Variants in WDHD1 observed in about 807,000 individuals in gnomAD.
The protein encoded by WDHD1 is WD repeat and HMG-box DNA-binding protein 1.
WDHD1 carries 111 observed loss-of-function variants against 135.4 expected under a neutral mutation model. That is an observed-to-expected ratio of 0.82 (90% CI 0.70 to 0.96). The LOEUF (loss-of-function observed/expected upper bound fraction) is 0.96. Among genes scored for constraint, WDHD1 ranks in the 40% least tolerant of loss-of-function variants. The pLI, the probability that WDHD1 is intolerant of heterozygous loss-of-function variation, is 0.00. For missense variants in WDHD1, 1,351 were observed against 1,336.3 expected (o/e 1.01, Z -0.17); for synonymous variants, 434 against 439.0 (o/e 0.99, Z 0.14).
At chr14:55,008,783 T>C (rs1333544957) in intron 4 of WDHD1, 64 bp from the exon 5 acceptor site, 1 of 1,162,536 alleles carries the variant, frequency 8.6e-7, no homozygotes, top group East Asian at 2.4e-5. Flanking sequence ...CTAAAAGCTA[T>C]GATCCAAATA....
intron 16 of WDHD1, among the ~76,000 whole-genome samples, chr14:54,977,543 AT>A (rs2041544829): frequency 6.6e-6 from 1 of 152,184 alleles, no homozygotes; most frequent in South Asian, 2.1e-4. Flanking sequence ...ATAAAGAAAT[AT>A]TCTTTATTAG....
At chr14:54,942,242 C>A (rs964923715) in intron 25 of WDHD1, among the ~76,000 whole-genome samples, 9 of 146,116 alleles carry the variant, frequency 6.2e-5, no homozygotes, top group African/African-American at 2.4e-4. Context: ...GAGCAAGACT[C>A]CGTCTCAAAA....
At chr14:55,015,689 T>C (rs995351919) in intron 2 of WDHD1, among the ~76,000 whole-genome samples, 21 of 151,916 alleles carry the variant, frequency 1.4e-4, no homozygotes, top group Non-Finnish European at 2.4e-4. Context: ...CACGTTTTTG[T>C]TCCAATGGAA....
intron 18 of WDHD1, among the ~76,000 whole-genome samples, chr14:54,963,739 G>A (rs1044940903): frequency 1.3e-5 from 2 of 148,196 alleles, no homozygotes; most frequent in Admixed American, 6.9e-5. Flanking sequence ...GGTGGAGGTT[G>A]CAGTGAGCCA....
At chr14:54,983,273 A>G (rs1433358274) in intron 15 of WDHD1, among the ~76,000 whole-genome samples, 1 of 152,206 alleles carries the variant, frequency 6.6e-6, no homozygotes, top group Admixed American at 6.5e-5. Context: ...GCACTTATCC[A>G]AAAGAAATAT....
Position 55,024,129 on chromosome 14 carries a change from G to A in WDHD1, c.77+2582C>T, listed in dbSNP as rs529369834. Among the ~76,000 whole-genome samples the A allele has an allele frequency of 1.1e-4, 16 of 152,082 alleles. No individual in the cohort carries two copies. In the East Asian group the frequency reaches 1.5e-3, roughly 15 times the overall value. Reference sequence around the variant, plus strand: ...AATATGTGTATTGAAAAAAATCCACGTATAAGTAGACATACACAATTCAAA... The same window carrying A: ...AATATGTGTATTGAAAAAAATCCACATATAAGTAGACATACACAATTCAAA... On this transcript the variant is annotated intron_variant, in intron 2 of 25. Coordinates refer to ENST00000360586, the MANE Select transcript of WDHD1 (RefSeq NM_007086.4).
intron 2 of WDHD1, among the ~76,000 whole-genome samples, chr14:55,020,404 C>T (rs2140232577): frequency 6.6e-6 from 1 of 152,304 alleles, no homozygotes; most frequent in South Asian, 2.1e-4. Context: ...GTTCCTCAAA[C>T]ACTTCATTTG....
chr14:54,994,281 C>T (rs1045084552), intron 11 of WDHD1, among the ~76,000 whole-genome samples: 4 of 152,076 alleles, frequency 2.6e-5, no homozygotes, highest in South Asian at 2.1e-4. Context: ...TCAGAAAATT[C>T]GTCTATTTCA....
intron 21 of WDHD1, among the ~76,000 whole-genome samples, chr14:54,961,322 A>T (rs180768662): frequency 3.9e-4 from 59 of 151,730 alleles, no homozygotes; most frequent in Non-Finnish European, 7.5e-4. Context: ...CATCTCTATT[A>T]AAAAAAATAA....
rs748478108 is a variant in WDHD1 at position 55,008,657 on chromosome 14, T to C, written c.404A>G (p.His135Arg). The C allele has an allele frequency of 1.2e-5, 20 of 1,613,138 alleles. No homozygotes were observed. The highest frequency in any genetic ancestry group is 1.7e-5 in the Non-Finnish European group (20 of 1,179,808). The change falls in exon 5 of 26, where the codon CAT (histidine) becomes CGT (arginine). Residue 135 changes from histidine to arginine, a missense_variant. Transcript: ENST00000360586. ...GGAAAGACTTAAAACAGGGGCATCA[T>C]GTCCTCGAAATGTTTTCTGTTGGCT... ...DSSQQKTFRGHDAPVLSLSFD... is the reference protein window; with the variant it reads ...DSSQQKTFRGRDAPVLSLSFD...
intron 16 of WDHD1, among the ~76,000 whole-genome samples, chr14:54,978,408 C>A (rs75790544): frequency 0.088 from 13,409 of 152,024 alleles, 685 homozygotes; most frequent in South Asian, 0.16. Context: ...GATGGTGAGA[C>A]CCCATCTTTA....
At chr14:55,003,096 A>G (rs1036170549) in intron 7 of WDHD1, among the ~76,000 whole-genome samples, 6 of 152,224 alleles carry the variant, frequency 3.9e-5, no homozygotes, top group African/African-American at 1.2e-4. Flanking sequence ...TTAGTAACAT[A>G]TAATAAAAAC....
At chr14:54,966,380 T>C (rs1439859997) in intron 18 of WDHD1, 95 bp downstream of exon 18, 6 of 1,389,498 alleles carry the variant, frequency 4.3e-6, no homozygotes, top group Non-Finnish European at 5.7e-6. Flanking sequence ...GAATCTTAGG[T>C]TGTGGGACTT....
chr14:54,995,682 C>T lies in WDHD1; in HGVS notation c.1074G>A (p.Glu358=). The T allele has an allele frequency of 6.2e-7, 1 of 1,613,712 alleles. No individual in the cohort carries two copies. Among genetic ancestry groups the T allele is most frequent in the Non-Finnish European group, 8.5e-7 (1 of 1,179,864 alleles). ...AAGCCATCATGAGGTCTTCATCATC[C>T]TCATCATCATTTATAATCCCTTTTG... is the stretch of plus-strand genomic sequence containing the variant. The part of the protein sequence containing the change: ...SFSKGIINDD[E]DDEDLMMASG... Residue 358 remains glutamate, a synonymous_variant, in exon 11 of 26, where the codon GAG becomes GAA. Coordinates refer to ENST00000360586, the MANE Select transcript of WDHD1 (RefSeq NM_007086.4).
intron 6 of WDHD1, 31 bp downstream of exon 6, chr14:55,008,285 A>G (rs762392646): frequency 1.2e-6 from 2 of 1,604,516 alleles, no homozygotes. Flanking sequence ...GAAATGGGCA[A>G]AAAACTTTAA....
At chr14:55,003,752 C>G (rs368151618) in intron 7 of WDHD1, among the ~76,000 whole-genome samples, 12 of 151,394 alleles carry the variant, frequency 7.9e-5, no homozygotes, top group Non-Finnish European at 1.6e-4. Context: ...TCAGTAGAGA[C>G]GGGGTCTTAT....
Position 55,000,655 on chromosome 14 carries a change from A to G in WDHD1, c.801-11T>C. The G allele has an allele frequency of 2.6e-6, 4 of 1,527,140 alleles. No individual in the cohort carries two copies. Among genetic ancestry groups the G allele is most frequent in the Non-Finnish European group, 3.5e-6 (4 of 1,138,018 alleles). 94.6% of individuals were successfully genotyped at this position (1,527,140 alleles called of 1,614,324 possible). A position where few individuals can be genotyped will look rare whatever the true frequency, so the allele number is the denominator to read the frequency against. On this transcript the variant is annotated splice_polypyrimidine_tract_variant and intron_variant, in intron 9 of 25. Coordinates refer to ENST00000360586, the MANE Select transcript of WDHD1 (RefSeq NM_007086.4). ...TTCTCATGTTTCACCCTAAAAATTA[A>G]AAAGTAGGTTCTAAAAATACTGTCA...
intron 7 of WDHD1, among the ~76,000 whole-genome samples, 155 bp downstream of exon 7, chr14:55,007,125 G>A (rs778496517): frequency 4.6e-5 from 7 of 151,610 alleles, no homozygotes; most frequent in Non-Finnish European, 1.0e-4. Flanking sequence ...CTACTCGGGA[G>A]GCTGAGGCAG....
intron 21 of WDHD1, among the ~76,000 whole-genome samples, chr14:54,959,756 G>A (rs186766114): frequency 6.6e-6 from 1 of 151,792 alleles, no homozygotes; most frequent in East Asian, 1.9e-4. Flanking sequence ...TCCAGTCTGA[G>A]TGACAAAGCA....
Sources: gnomAD v4.1 joint callset for allele counts (sites outside exome capture counted in the v4.1 genomes callset) on GRCh38, gnomAD v4.1.1 for gene constraint, MANE v1.5 for transcripts, NCBI Gene and HGNC (gene_info 2026-07-23, HGNC 2026-07-21) for gene names.